Variants in HIBADH observed in about 807,000 individuals in gnomAD.
HIBADH encodes 3-hydroxyisobutyrate dehydrogenase, mitochondrial.
Under a neutral mutation model 36.1 loss-of-function variants are expected in HIBADH, and 25 were observed. The observed-to-expected ratio is 0.69, with a 90% CI of 0.50 to 0.97. The LOEUF is 0.97. Ranked by LOEUF, HIBADH falls within the 50% of genes least tolerant of loss-of-function variation. The pLI is 0.00. For missense variants in HIBADH, 421 were observed against 418.0 expected, an observed-to-expected ratio of 1.01 and a Z score of -0.06; for synonymous variants, 160 against 149.5, an observed-to-expected ratio of 1.07 and a Z score of -0.51.
chr7:27,578,931 T>C (rs1202714639), intron 4 of HIBADH, among the ~76,000 whole-genome samples: 1 of 152,028 alleles, frequency 6.6e-6, no homozygotes. Flanking sequence ...AGTAAGAAAA[T>C]AATCAGACAA....
intron 4 of HIBADH, among the ~76,000 whole-genome samples, chr7:27,583,948 G>C (rs1156499953): frequency 5.3e-5 from 8 of 152,076 alleles, no homozygotes; most frequent in Non-Finnish European, 4.4e-5. Flanking sequence ...AGCACTGCTT[G>C]ACAATTTTTC....
At chr7:27,553,564 C>A (rs566353261) in intron 4 of HIBADH, among the ~76,000 whole-genome samples, 1 of 152,276 alleles carries the variant, frequency 6.6e-6, no homozygotes, top group Non-Finnish European at 1.5e-5. Flanking sequence ...AGGACTGATG[C>A]AGTACAGAAG....
At chr7:27,626,364 T>G (rs1415310413) in intron 4 of HIBADH, among the ~76,000 whole-genome samples, 1 of 152,186 alleles carries the variant, frequency 6.6e-6, no homozygotes, top group Non-Finnish European at 1.5e-5. Flanking sequence ...AATATTAAAG[T>G]GGTTCTTCAC....
chr7:27,614,400 T>G (rs986542155), intron 4 of HIBADH, among the ~76,000 whole-genome samples: 1 of 152,202 alleles, frequency 6.6e-6, no homozygotes, highest in Admixed American at 6.5e-5. Context: ...GAGGACAGCT[T>G]CAGAAAGATG....
intron 4 of HIBADH, among the ~76,000 whole-genome samples, chr7:27,567,521 T>C (rs1784564868): frequency 6.6e-6 from 1 of 152,124 alleles, no homozygotes; most frequent in African/African-American, 2.4e-5. Flanking sequence ...ACTAGTTTAT[T>C]TTCTGCTTGT....
At chr7:27,596,960 G>GT (rs1350348374) in intron 4 of HIBADH, among the ~76,000 whole-genome samples, 3 of 151,852 alleles carry the variant, frequency 2.0e-5, no homozygotes, top group African/African-American at 4.8e-5. Flanking sequence ...AATCCCATTT[G>GT]TTTTTTAAAA....
Position 27,567,698 on chromosome 7 carries a change from TAAA to T in HIBADH, c.485-24601_485-24599del, listed in dbSNP as rs1190923767. ...GACCTAGGGATTACAATATACATAC[TAAA>T]GTTTTCATGTCCATTGAAAATTAAT... On this transcript the variant is annotated intron_variant, in intron 4 of 7. Coordinates refer to ENST00000265395, the MANE Select transcript of HIBADH (RefSeq NM_152740.4). Among the ~76,000 whole-genome samples, 3 of 9,828 alleles carry T rather than the reference TAAA, an allele frequency of 3.1e-4. No individual in the cohort carries two copies. The African/African-American group carries it at 3.7e-3, about 12-fold the overall frequency. 6.4% of individuals were successfully genotyped at this position (9,828 alleles called of 152,430 possible).
At chr7:27,610,030 G>C (rs1308321548) in intron 4 of HIBADH, among the ~76,000 whole-genome samples, 2 of 151,866 alleles carry the variant, frequency 1.3e-5, no homozygotes, top group Non-Finnish European at 1.5e-5. Context: ...TGTTGGCCAG[G>C]CTGGTCTCAA....
intron 1 of HIBADH, among the ~76,000 whole-genome samples, chr7:27,662,297 G>A (rs1786438825): frequency 1.3e-5 from 2 of 152,106 alleles, no homozygotes; most frequent in African/African-American, 4.8e-5. Flanking sequence ...GTGCACCCTG[G>A]GGGCGCTGAA....
At chr7:27,569,152 A>C (rs574387235) in intron 4 of HIBADH, among the ~76,000 whole-genome samples, 4 of 152,086 alleles carry the variant, frequency 2.6e-5, no homozygotes, top group Admixed American at 6.5e-5. Flanking sequence ...ATTTTCTTCA[A>C]ATTTCTAATT....
rs111292846 is a variant in HIBADH at position 27,629,349 on chromosome 7, A to G, written c.484+22T>C. The stretch of plus-strand genomic sequence containing the variant: ...TTTTGACAAACATAAATAGGTTTGC[A>G]TATATTTTAGCTACCACTTACCACC... On this transcript the variant is annotated intron_variant, in intron 4 of 7. Coordinates refer to ENST00000265395, the MANE Select transcript of HIBADH (RefSeq NM_152740.4). 20 of 1,607,316 alleles carry G rather than the reference A, an allele frequency of 1.2e-5. 1 individual carries two copies. Among genetic ancestry groups the G allele is most frequent in the African/African-American group, 9.4e-5 (7 of 74,840 alleles).
At chr7:27,584,590 C>T (rs1032665137) in intron 4 of HIBADH, among the ~76,000 whole-genome samples, 1 of 151,964 alleles carries the variant, frequency 6.6e-6, no homozygotes, top group Non-Finnish European at 1.5e-5. Flanking sequence ...TGGTGTTCCA[C>T]AAAAATGCAG....
At position 27,632,391 on chromosome 7, in the gene HIBADH, G is replaced by A. The variant is rs1785763017; in HGVS notation, c.307C>T (p.Leu103=). The change falls in exon 3 of 8, where the codon CTG becomes TTG. Residue 103 remains leucine (L), a synonymous_variant. Coordinates refer to ENST00000265395, the MANE Select transcript of HIBADH (RefSeq NM_152740.4). ...TCTATTGCATTGATACTGGTGGGCA[G>A]CATTGTAATAATTCTGTCAGCTTTT... is the stretch of plus-strand genomic sequence containing the variant. ...AEKADRIITM[L]PTSINAIEAY... The A allele has an allele frequency of 1.2e-6, 2 of 1,613,572 alleles. No homozygotes were observed. The highest frequency in any genetic ancestry group is 1.1e-5 in the South Asian group (1 of 91,066).
At chr7:27,628,677 T>C (rs1449161754) in intron 4 of HIBADH, among the ~76,000 whole-genome samples, 1 of 152,104 alleles carries the variant, frequency 6.6e-6, no homozygotes, top group African/African-American at 2.4e-5. Context: ...TTTTCTAAAA[T>C]TAAGCCATCT....
chr7:27,602,188 G>A lies in HIBADH; in HGVS notation c.484+27183C>T, dbSNP rs192245670. On this transcript the variant is annotated intron_variant, in intron 4 of 7. Coordinates refer to ENST00000265395, the MANE Select transcript of HIBADH (RefSeq NM_152740.4). ...TCCTCACTGAAAAAAAAAAAAAGAG[G>A]ATAATCTGCATTTCATGGGGATGCT... Among the ~76,000 whole-genome samples the A allele has an allele frequency of 2.0e-5, 3 of 151,466 alleles. No homozygotes were observed. In the East Asian group the frequency reaches 5.8e-4, roughly 29 times the overall value.
intron 4 of HIBADH, among the ~76,000 whole-genome samples, chr7:27,598,526 G>C (rs1562637205): frequency 6.6e-6 from 1 of 152,082 alleles, no homozygotes. Context: ...GGACTTGTTT[G>C]CTTAATGGTT....
chr7:27,642,674 C>T lies in HIBADH; in HGVS notation c.252+6799G>A, dbSNP rs1242506097. Among the ~76,000 whole-genome samples, 55 of 117,702 alleles carry T rather than the reference C, an allele frequency of 4.7e-4. 2 individuals are homozygous for T. The highest frequency in any genetic ancestry group is 7.7e-3 in the Middle Eastern group (1 of 130). 77.2% of individuals were successfully genotyped at this position (117,702 alleles called of 152,430 possible). ...TTTTTTTTTTTTTTTTTTTTTGAGA[C>T]GGAGTCTCGCTCTGTCGCCCAGGCT... On this transcript the variant is annotated intron_variant, in intron 2 of 7. Transcript: ENST00000265395.
chr7:27,594,675 G>A (rs1785001320), intron 4 of HIBADH, among the ~76,000 whole-genome samples: 2 of 152,070 alleles, frequency 1.3e-5, no homozygotes, highest in South Asian at 2.1e-4. Flanking sequence ...AAAAAATTCT[G>A]AGCGAGGGAA....
chr7:27,534,297 A>C (rs73686429), intron 6 of HIBADH, among the ~76,000 whole-genome samples: 1 of 150,306 alleles, frequency 6.7e-6, no homozygotes, highest in Admixed American at 6.7e-5. Context: ...TTATGTCACT[A>C]AACTGGGATG....
Sources: allele counts gnomAD v4.1 joint callset (sites outside exome capture counted in the v4.1 genomes callset), GRCh38; gene constraint gnomAD v4.1.1; transcripts MANE v1.5; gene names NCBI Gene and HGNC (gene_info 2026-07-23, HGNC 2026-07-21).